The following FAM135B variants were observed in gnomAD, a reference collection of about 807,000 sequenced individuals.
FAM135B encodes the protein family with sequence similarity 135 member B.
FAM135B carries 43 observed loss-of-function variants against 127.7 expected under a neutral mutation model. The ratio of observed to expected loss-of-function variants is 0.34; its 90% CI spans 0.26 to 0.43. The LOEUF is 0.43. Among genes scored for constraint, FAM135B ranks in the 20% least tolerant of loss-of-function variants. FAM135B has a pLI of 1.00. For synonymous variants in FAM135B, 670 were observed against 665.1 expected (o/e 1.01, Z -0.11); for missense variants, 1,558 against 1,725.6 (o/e 0.90, Z 1.72).
At chr8:138,456,834 C>G (rs1836806942) in intron 1 of FAM135B, among the ~76,000 whole-genome samples, 1 of 152,016 alleles carries the variant, frequency 6.6e-6, no homozygotes, top group South Asian at 2.1e-4. Flanking sequence ...TACATCAGTA[C>G]TTAGTAAAAT....
chr8:138,270,311 GAT>G (rs1435606285), intron 3 of FAM135B, among the ~76,000 whole-genome samples: 3 of 152,214 alleles, frequency 2.0e-5, no homozygotes, highest in Non-Finnish European at 4.4e-5. Context: ...CAACCAAGGT[GAT>G]ACTAGTGTCA....
intron 9 of FAM135B, 85 bp downstream of exon 9, chr8:138,195,172 CT>C: frequency 7.5e-7 from 1 of 1,338,776 alleles, no homozygotes; most frequent in Non-Finnish European, 1.1e-6. Flanking sequence ...CTTTTCACTT[CT>C]GTTTTTTACA....
chr8:138,312,035 C>A (rs187926483), intron 2 of FAM135B, among the ~76,000 whole-genome samples: 1 of 152,276 alleles, frequency 6.6e-6, no homozygotes, highest in East Asian at 1.9e-4. Flanking sequence ...CAACATCTGC[C>A]TCCTGGGTTC....
At chr8:138,475,246 G>C (rs1814351557) in intron 1 of FAM135B, among the ~76,000 whole-genome samples, 1 of 152,092 alleles carries the variant, frequency 6.6e-6, no homozygotes, top group Non-Finnish European at 1.5e-5. Context: ...CCCCTTGCAA[G>C]TTGGTTTTCA....
chr8:138,443,151 T>C (rs1420991974), intron 1 of FAM135B, among the ~76,000 whole-genome samples: 1 of 152,162 alleles, frequency 6.6e-6, no homozygotes, highest in Non-Finnish European at 1.5e-5. Context: ...TCCACCCTGA[T>C]GCCAGGCCAT....
chr8:138,289,958 C>T (rs1391165167), intron 3 of FAM135B, among the ~76,000 whole-genome samples: 1 of 152,170 alleles, frequency 6.6e-6, no homozygotes, highest in African/African-American at 2.4e-5. Flanking sequence ...AAGGTGAGAA[C>T]ATCACAAACA....
At chr8:138,316,321 C>T (rs1299565890) in intron 2 of FAM135B, among the ~76,000 whole-genome samples, 1 of 151,308 alleles carries the variant, frequency 6.6e-6, no homozygotes, top group Non-Finnish European at 1.5e-5. Context: ...GGTGAAACCC[C>T]GTCTCTACTA....
At chr8:138,288,463 C>T (rs1190735405) in intron 3 of FAM135B, among the ~76,000 whole-genome samples, 4 of 152,190 alleles carry the variant, frequency 2.6e-5, no homozygotes, top group African/African-American at 4.8e-5. Flanking sequence ...GTTTATAAAA[C>T]ATTCTGAGGG....
chr8:138,379,209 T>C (rs1195821463), intron 1 of FAM135B, among the ~76,000 whole-genome samples: 2 of 152,142 alleles, frequency 1.3e-5, no homozygotes, highest in East Asian at 1.9e-4. Context: ...TGTCAAATCA[T>C]GGAAAGAGCA....
intron 14 of FAM135B, among the ~76,000 whole-genome samples, chr8:138,146,312 T>C (rs1348881225): frequency 6.6e-6 from 1 of 152,212 alleles, no homozygotes; most frequent in East Asian, 1.9e-4. Flanking sequence ...ATGTGGCTTG[T>C]GAACACTCTG....
rs531689853 is a variant in FAM135B at position 138,329,154 on chromosome 8, G to A, written c.78-18234C>T. Among the ~76,000 whole-genome samples the A allele has an allele frequency of 5.6e-4, 86 of 152,272 alleles. 3 individuals carry two copies. In the South Asian group the frequency reaches 0.017, roughly 30 times the overall value. ...GACAGAGATAAGTAGATGTTGGGTA[G>A]GTAAATAGGAGATACAGATGGATGG... On this transcript the variant is annotated intron_variant, in intron 2 of 19. Transcript: ENST00000395297.
intron 9 of FAM135B, among the ~76,000 whole-genome samples, chr8:138,185,235 A>G (rs1418831218): frequency 2.0e-5 from 3 of 152,220 alleles, no homozygotes; most frequent in Non-Finnish European, 1.5e-5. Context: ...CACACATGTA[A>G]CATACTAATC....
At chr8:138,194,360 G>A (rs1816432443) in intron 9 of FAM135B, among the ~76,000 whole-genome samples, 1 of 152,158 alleles carries the variant, frequency 6.6e-6, no homozygotes, top group African/African-American at 2.4e-5. Context: ...CTGTGAGACT[G>A]GATTTTACTA....
At chr8:138,215,712 A>G (rs1246020570) in intron 7 of FAM135B, among the ~76,000 whole-genome samples, 1 of 152,226 alleles carries the variant, frequency 6.6e-6, no homozygotes, top group Non-Finnish European at 1.5e-5. Context: ...TGATACATCA[A>G]TAATAATTGT....
At chr8:138,362,986 G>A (rs565162678) in intron 2 of FAM135B, among the ~76,000 whole-genome samples, 180 of 152,270 alleles carry the variant, frequency 1.2e-3, no homozygotes, top group African/African-American at 4.1e-3. Context: ...CAAAAATCTG[G>A]GGTGAACACA....
intron 1 of FAM135B, among the ~76,000 whole-genome samples, chr8:138,473,479 C>T (rs536576300): frequency 6.6e-6 from 1 of 152,096 alleles, no homozygotes; most frequent in African/African-American, 2.4e-5. Context: ...TCCTGTAACA[C>T]GGAAATATAT....
intron 3 of FAM135B, among the ~76,000 whole-genome samples, chr8:138,309,941 C>T (rs572009946): frequency 6.8e-6 from 1 of 146,016 alleles, no homozygotes; most frequent in African/African-American, 2.5e-5. Context: ...ACAATCTTGG[C>T]TCACTGCCAC....
intron 1 of FAM135B, among the ~76,000 whole-genome samples, chr8:138,483,438 T>C (rs765170327): frequency 2.0e-5 from 3 of 152,046 alleles, no homozygotes; most frequent in Non-Finnish European, 4.4e-5. Context: ...AGAAAGACAA[T>C]GAATTCAACC....
rs145391940 is a variant in FAM135B at position 138,138,424 on chromosome 8, C to T, written c.3901+562G>A. 3.5e-3 allele frequency among the ~76,000 whole-genome samples: 528 copies of T among 152,342 alleles called. 2 individuals are homozygous for T. Among genetic ancestry groups the T allele is most frequent in the African/African-American group, 0.011 (478 of 41,578 alleles). ...ACTGAGCAGGGCAATCAGTCAGCTG[C>T]TCCACTCGCCGACTGGACATGGGGA... is the stretch of plus-strand genomic sequence containing the variant. On this transcript the variant is annotated intron_variant, in intron 18 of 19. Transcript: ENST00000395297.
Sources: gnomAD v4.1 joint callset for allele counts (sites outside exome capture counted in the v4.1 genomes callset) on GRCh38, gnomAD v4.1.1 for gene constraint, MANE v1.5 for transcripts, NCBI Gene and HGNC (gene_info 2026-07-23, HGNC 2026-07-21) for gene names.